The following BAZ1A variants were observed in gnomAD, a reference collection of about 807,000 sequenced individuals.
The protein encoded by BAZ1A is bromodomain adjacent to zinc finger domain 1A.
A neutral mutation model predicts 185.2 loss-of-function variants in BAZ1A; 50 were observed. That is an observed-to-expected ratio of 0.27 (90% CI 0.22 to 0.34). The LOEUF (loss-of-function observed/expected upper bound fraction) is 0.34, where lower values mean the gene tolerates loss of function less well. BAZ1A is among the 10% of genes least tolerant of loss of function. BAZ1A has a pLI of 1.00. For synonymous variants in BAZ1A, 571 were observed against 615.6 expected (o/e 0.93, Z 1.07); for missense variants, 1,356 against 1,839.9 (o/e 0.74, Z 4.81).
At chr14:34,798,299 TAC>T (rs1272638112) in intron 9 of BAZ1A, among the ~76,000 whole-genome samples, 1 of 152,240 alleles carries the variant, frequency 6.6e-6, no homozygotes, top group Non-Finnish European at 1.5e-5. Flanking sequence ...CAGAAATTTC[TAC>T]AGACTTAAAC....
intron 3 of BAZ1A, among the ~76,000 whole-genome samples, chr14:34,848,059 G>C (rs1006532788): frequency 6.6e-6 from 1 of 151,892 alleles, no homozygotes; most frequent in Non-Finnish European, 1.5e-5. Context: ...GCGGGGTTTT[G>C]TCATGTTGCT....
At chr14:34,855,939 A>T (rs2042669116) in intron 3 of BAZ1A, among the ~76,000 whole-genome samples, 1 of 152,144 alleles carries the variant, frequency 6.6e-6, no homozygotes, top group Non-Finnish European at 1.5e-5. Flanking sequence ...AGGGCTTTTT[A>T]CCCTTATTGC....
chr14:34,758,301 G>C (rs540092120), intron 25 of BAZ1A, among the ~76,000 whole-genome samples: 1 of 146,364 alleles, frequency 6.8e-6, no homozygotes, highest in African/African-American at 2.5e-5. Context: ...AGAAGACATG[G>C]CCAGGTGTGG....
At chr14:34,816,679 CT>C (rs1298860140) in intron 4 of BAZ1A, 1 of 206,706 alleles carries the variant, frequency 4.8e-6, no homozygotes, top group African/African-American at 2.3e-5. Flanking sequence ...TATTTGGTTT[CT>C]TTTATAAATT....
At chr14:34,832,228 A>ATATATATG (rs1437244262) in intron 3 of BAZ1A, among the ~76,000 whole-genome samples, 17 of 143,446 alleles carry the variant, frequency 1.2e-4, no homozygotes, top group African/African-American at 3.9e-4. Context: ...ATATATATAT[A>ATATATATG]TATGTATGTA....
At chr14:34,863,412 C>T (rs549599414) in intron 2 of BAZ1A, among the ~76,000 whole-genome samples, 53 of 152,214 alleles carry the variant, frequency 3.5e-4, no homozygotes, top group African/African-American at 1.3e-3. Flanking sequence ...ATCTGCCTGC[C>T]TCAACCTCCC....
intron 2 of BAZ1A, among the ~76,000 whole-genome samples, chr14:34,873,230 C>T (rs2138850985): frequency 6.6e-6 from 1 of 152,216 alleles, no homozygotes; most frequent in South Asian, 2.1e-4. Flanking sequence ...GATCAAGCCC[C>T]CACTCAGAAA....
chr14:34,863,812 C>CT (rs1215675135), intron 2 of BAZ1A, among the ~76,000 whole-genome samples: 2 of 151,386 alleles, frequency 1.3e-5, no homozygotes, highest in Non-Finnish European at 2.9e-5. Flanking sequence ...AAAAGGAAAA[C>CT]TTTTTTTGTG....
chr14:34,867,609 G>A (rs182818943), intron 2 of BAZ1A, among the ~76,000 whole-genome samples: 1 of 152,334 alleles, frequency 6.6e-6, no homozygotes, highest in Non-Finnish European at 1.5e-5. Flanking sequence ...CCTACAAAAT[G>A]TTTGTGCCAT....
intron 4 of BAZ1A, among the ~76,000 whole-genome samples, chr14:34,812,334 G>A (rs2041942226): frequency 6.6e-6 from 1 of 152,182 alleles, no homozygotes; most frequent in African/African-American, 2.4e-5. Flanking sequence ...AAGGAGGCAT[G>A]CACAATTTAG....
rs1257374080 is a variant in BAZ1A, at chr14:34,874,346, G to A, written c.113+146C>T. On this transcript the variant is annotated intron_variant, in intron 2 of 26. Transcript: ENST00000360310. This position sits in a 1 kb window ranked among gnomAD's most constrained non-coding sequence, Gnocchi z 4.7. ...CGCGTTCTCCAGGTGGAGGCCAGGA[G>A]GCAGAGAACCGCGGGCCCGGGGGCC... 1.3e-5 allele frequency: 10 copies of A among 747,074 alleles called. No homozygotes were observed. Among genetic ancestry groups the A allele is most frequent in the Non-Finnish European group, 2.2e-5 (10 of 453,344 alleles). The allele number at this position is 747,074 out of a possible 1,614,324, so 46.3% of individuals were successfully genotyped here.
At chr14:34,775,700 T>C (rs1188419683) in intron 18 of BAZ1A, among the ~76,000 whole-genome samples, 2 of 152,190 alleles carry the variant, frequency 1.3e-5, no homozygotes, top group Admixed American at 1.3e-4. Context: ...CATAGATGTG[T>C]TCCTCATAAT....
chr14:34,873,979 C>G (rs997188618), intron 2 of BAZ1A, among the ~76,000 whole-genome samples: 2 of 152,180 alleles, frequency 1.3e-5, no homozygotes, highest in African/African-American at 4.8e-5. Context: ...GCAGCTCCAA[C>G]GTCAGACCCC....
rs1160075862 is a variant in BAZ1A, at chr14:34,757,081, A to G, written c.4386+1623T>C. Reference sequence around the variant, plus strand: ...CATCATTATTTATAAAGAATCAGTCATGGCTGGGCACGGTGGCTCATGCCT... The same window carrying G: ...CATCATTATTTATAAAGAATCAGTCGTGGCTGGGCACGGTGGCTCATGCCT... On this transcript the variant is annotated intron_variant, in intron 25 of 26. Transcript: ENST00000360310. Among the ~76,000 whole-genome samples the G allele has an allele frequency of 5.3e-5, 8 of 152,126 alleles. No individual in the cohort carries two copies. The East Asian group carries it at 1.5e-3, about 29-fold the overall frequency.
intron 17 of BAZ1A, 21 bp from the exon 18 acceptor site, chr14:34,776,536 T>TTCA (rs776632376): frequency 6.5e-7 from 1 of 1,530,034 alleles, no homozygotes; most frequent in African/African-American, 1.4e-5. Flanking sequence ...AATAAAATGT[T>TTCA]TCATCATCAT....
chr14:34,819,302 T>C (rs1399087344), intron 4 of BAZ1A, among the ~76,000 whole-genome samples: 2 of 152,176 alleles, frequency 1.3e-5, no homozygotes, highest in African/African-American at 4.8e-5. Flanking sequence ...ATGGGAGCAC[T>C]ACTGTATTGT....
intron 7 of BAZ1A, among the ~76,000 whole-genome samples, chr14:34,801,580 G>C (rs1197837061): frequency 6.6e-6 from 1 of 152,188 alleles, no homozygotes; most frequent in Admixed American, 6.5e-5. Flanking sequence ...ACAGGTGTGA[G>C]CCACTGTGCC....
At chr14:34,804,935 T>C (rs903288778) in intron 6 of BAZ1A, among the ~76,000 whole-genome samples, 2 of 152,220 alleles carry the variant, frequency 1.3e-5, no homozygotes, top group Non-Finnish European at 2.9e-5. Flanking sequence ...CTGATATAAT[T>C]TGGCTCTGTG....
intron 10 of BAZ1A, among the ~76,000 whole-genome samples, chr14:34,795,344 C>A (rs910762300): frequency 3.9e-5 from 6 of 152,158 alleles, no homozygotes; most frequent in Non-Finnish European, 4.4e-5. Context: ...TTGATTTGGA[C>A]ACTTTGGCCA....
Sources: gnomAD v4.1 joint callset for allele counts (sites outside exome capture counted in the v4.1 genomes callset) on GRCh38, gnomAD v4.1.1 for gene constraint, Gnocchi (gnomAD v3.1) non-coding constraint, MANE v1.5 for transcripts, NCBI Gene and HGNC (gene_info 2026-07-23, HGNC 2026-07-21) for gene names.